Variants in CORO2B observed in about 807,000 individuals in gnomAD.
CORO2B encodes the protein coronin 2B, also known as coronin-2B.
In CORO2B, 26 loss-of-function variants were observed where a neutral mutation model predicts 58.8. The ratio of observed to expected loss-of-function variants is 0.44; its 90% CI spans 0.32 to 0.61. CORO2B has a LOEUF of 0.61. CORO2B is among the 20% of genes least tolerant of loss of function. The pLI is 0.04. For synonymous variants in CORO2B, 242 were observed against 253.8 expected (o/e 0.95, Z 0.44); for missense variants, 460 against 645.1 (o/e 0.71, Z 3.11).
chr15:68,634,605 G>T (rs137946864), intron 1 of CORO2B, among the ~76,000 whole-genome samples: 1 of 152,116 alleles, frequency 6.6e-6, no homozygotes, highest in South Asian at 2.1e-4. Flanking sequence ...GTCTGGTTCC[G>T]GGACCAATAG....
intron 2 of CORO2B, among the ~76,000 whole-genome samples, chr15:68,683,571 C>T (rs1902863749): frequency 6.6e-6 from 1 of 152,066 alleles, no homozygotes; most frequent in Non-Finnish European, 1.5e-5. Flanking sequence ...CACCACCCCT[C>T]CCCCCACTGT....
the CORO2B span, among the ~76,000 whole-genome samples, chr15:68,524,219 CA>C: frequency 1.3e-5 from 2 of 148,276 alleles, no homozygotes; most frequent in African/African-American, 5.0e-5. Context: ...AACCCTGTCT[CA>C]AAAAAAAAGA....
intron 2 of CORO2B, among the ~76,000 whole-genome samples, chr15:68,684,555 G>A (rs1357523169): frequency 6.6e-6 from 1 of 152,216 alleles, no homozygotes; most frequent in Non-Finnish European, 1.5e-5. Context: ...ACAGTCACTG[G>A]AAAATAGGGA....
At chr15:68,607,418 A>G (rs1470149808) in intron 1 of CORO2B, among the ~76,000 whole-genome samples, 1 of 152,160 alleles carries the variant, frequency 6.6e-6, no homozygotes, top group Non-Finnish European at 1.5e-5. Context: ...AACAAGGAAG[A>G]ATGTAAGATC....
At chr15:68,550,413 C>G in the CORO2B span, among the ~76,000 whole-genome samples, 4 of 152,286 alleles carry the variant, frequency 2.6e-5, no homozygotes, top group Admixed American at 2.0e-4. Flanking sequence ...GCTAAGGAGT[C>G]AGAATGACTG....
chr15:68,614,827 A>C (rs1173620391), intron 1 of CORO2B, among the ~76,000 whole-genome samples: 1 of 152,094 alleles, frequency 6.6e-6, no homozygotes, highest in East Asian at 1.9e-4. Flanking sequence ...TGTGCCCCTC[A>C]CAGCCTCTTA....
At chr15:68,532,211 T>C in the CORO2B span, among the ~76,000 whole-genome samples, 1 of 152,196 alleles carries the variant, frequency 6.6e-6, no homozygotes, top group African/African-American at 2.4e-5. Flanking sequence ...TCATCAAATT[T>C]GGAAAATTTT....
At chr15:68,725,764 T>C (rs956340512) in intron 11 of CORO2B, 79 bp from the exon 12 acceptor site, 8 of 1,579,042 alleles carry the variant, frequency 5.1e-6, no homozygotes, top group Non-Finnish European at 6.9e-6. Context: ...GGCAGGCAGC[T>C]GGAGACTCAC....
chr15:68,528,302 G>T, the CORO2B span, among the ~76,000 whole-genome samples: 1 of 152,088 alleles, frequency 6.6e-6, no homozygotes, highest in African/African-American at 2.4e-5. Flanking sequence ...TTATCAAGTT[G>T]AGGAAGTTTT....
the CORO2B span, among the ~76,000 whole-genome samples, chr15:68,545,442 T>C: frequency 6.6e-6 from 1 of 151,858 alleles, no homozygotes; most frequent in Non-Finnish European, 1.5e-5. Context: ...TTGAATTGAG[T>C]TGTGTGTTGT....
intron 1 of CORO2B, among the ~76,000 whole-genome samples, chr15:68,600,933 GGTTTCTAGA>G (rs1432140037): frequency 6.6e-6 from 1 of 152,110 alleles, no homozygotes; most frequent in African/African-American, 2.4e-5. Context: ...GCTGATTCTC[GGTTTCTAGA>G]AATGACCGGA....
intron 3 of CORO2B, among the ~76,000 whole-genome samples, chr15:68,700,867 G>C (rs1892626179): frequency 6.6e-6 from 1 of 152,170 alleles, no homozygotes; most frequent in African/African-American, 2.4e-5. Flanking sequence ...AGAGAGGGAG[G>C]AGGGAGAAGA....
chr15:68,627,952 T>C (rs1900729113), intron 1 of CORO2B, among the ~76,000 whole-genome samples: 1 of 152,106 alleles, frequency 6.6e-6, no homozygotes, highest in South Asian at 2.1e-4. Context: ...CTCTTACTTC[T>C]GTACCCGAAA....
rs560270082 is a variant in CORO2B, at chr15:68,701,001, C to T, written c.333+5745C>T. Among the ~76,000 whole-genome samples the T allele has an allele frequency of 1.9e-4, 29 of 152,230 alleles. 1 individual carries two copies. In the East Asian group the frequency reaches 5.4e-3, roughly 28 times the overall value. On this transcript the variant is annotated intron_variant, in intron 3 of 11. Coordinates refer to ENST00000261861, the MANE Select transcript of CORO2B (RefSeq NM_006091.5). ...ATGCCCCTCCCTGAGGAGCTGGGGGCGGGATGGACAGGATGTCAGCCCTGC... is the reference window on the plus strand; with the variant it reads ...ATGCCCCTCCCTGAGGAGCTGGGGGTGGGATGGACAGGATGTCAGCCCTGC...
At chr15:68,650,470 G>A (rs1377603168) in intron 2 of CORO2B, among the ~76,000 whole-genome samples, 1 of 151,250 alleles carries the variant, frequency 6.6e-6, no homozygotes, top group African/African-American at 2.4e-5. Context: ...AACTTGGCTG[G>A]GCGTGATGGT....
At chr15:68,543,356 C>T in the CORO2B span, among the ~76,000 whole-genome samples, 1 of 152,130 alleles carries the variant, frequency 6.6e-6, no homozygotes, top group African/African-American at 2.4e-5. Context: ...GCCTCTCTCT[C>T]CTGGACCAAA....
intron 1 of CORO2B, among the ~76,000 whole-genome samples, chr15:68,614,794 A>C (rs1192608001): frequency 6.6e-6 from 1 of 152,134 alleles, no homozygotes; most frequent in African/African-American, 2.4e-5. Context: ...CTCAGCTCTG[A>C]CTGGAGCGCT....
At chr15:68,540,547 A>C in the CORO2B span, among the ~76,000 whole-genome samples, 1 of 152,372 alleles carries the variant, frequency 6.6e-6, no homozygotes, top group African/African-American at 2.4e-5. Context: ...AGTTTAGCTC[A>C]CAACTCAGTC....
intron 2 of CORO2B, among the ~76,000 whole-genome samples, chr15:68,647,819 G>T (rs1244562616): frequency 6.7e-6 from 1 of 150,346 alleles, no homozygotes; most frequent in African/African-American, 2.4e-5. Flanking sequence ...ACCAGTCTGG[G>T]CAACATAGTG....
Sources: gnomAD v4.1 joint callset for allele counts (sites outside exome capture counted in the v4.1 genomes callset) on GRCh38, gnomAD v4.1.1 for gene constraint, MANE v1.5 for transcripts, NCBI Gene and HGNC (gene_info 2026-07-23, HGNC 2026-07-21) for gene names.